Variants in GRID2 observed in about 807,000 individuals in gnomAD.
GRID2 encodes glutamate receptor ionotropic, delta-2.
GRID2 carries 33 observed loss-of-function variants against 114.8 expected under a neutral mutation model. That is an observed-to-expected ratio of 0.29 (90% CI 0.22 to 0.38). The LOEUF (loss-of-function observed/expected upper bound fraction) is 0.38, where lower values mean the gene tolerates loss of function less well. Among genes scored for constraint, GRID2 ranks in the 10% least tolerant of loss-of-function variants. The pLI is 1.00. For missense variants in GRID2, 1,184 were observed against 1,257.7 expected, an observed-to-expected ratio of 0.94 and a Z score of 0.89; for synonymous variants, 505 against 449.9, an observed-to-expected ratio of 1.12 and a Z score of -1.55.
chr4:92,447,927 C>A (rs1289627885), intron 1 of GRID2, among the ~76,000 whole-genome samples: 1 of 152,132 alleles, frequency 6.6e-6, no homozygotes, highest in Non-Finnish European at 1.5e-5. Context: ...ATCAAAAATT[C>A]AAATATTCTG....
At chr4:92,870,040 TA>T (rs544775625) in intron 2 of GRID2, among the ~76,000 whole-genome samples, 89 of 142,520 alleles carry the variant, frequency 6.2e-4, no homozygotes, top group Middle Eastern at 3.6e-3. Context: ...ACAAAAAAAT[TA>T]AAAAAAAAAA....
chr4:93,378,981 T>A (rs970686889), intron 8 of GRID2, among the ~76,000 whole-genome samples: 1 of 152,100 alleles, frequency 6.6e-6, no homozygotes, highest in African/African-American at 2.4e-5. Flanking sequence ...AATGATTTTA[T>A]CTTCAGTAAC....
intron 11 of GRID2, among the ~76,000 whole-genome samples, chr4:93,464,403 C>G (rs1327605089): frequency 6.6e-6 from 1 of 152,112 alleles, no homozygotes; most frequent in Non-Finnish European, 1.5e-5. Flanking sequence ...AAAATTAAGA[C>G]TGTTAGCATT....
chr4:92,475,698 T>A (rs1315842444), intron 1 of GRID2, among the ~76,000 whole-genome samples: 1 of 151,988 alleles, frequency 6.6e-6, no homozygotes, highest in Non-Finnish European at 1.5e-5. Flanking sequence ...TATTTTTTAA[T>A]TTTGTGTAAA....
At chr4:93,010,559 G>T (rs766192259) in intron 2 of GRID2, among the ~76,000 whole-genome samples, 7 of 152,068 alleles carry the variant, frequency 4.6e-5, no homozygotes, top group African/African-American at 9.7e-5. Context: ...CGCCAGAAAG[G>T]TACCTTAGCA....
chr4:93,354,671 C>CGTGTGT lies in GRID2; in HGVS notation c.1246-40897_1246-40892dup, dbSNP rs35452796. On this transcript the variant is annotated intron_variant, in intron 8 of 15. Transcript: ENST00000282020. ...ATTTACTCCCCTGGGGTGGCTCATC[C>CGTGTGT]GTGTGTGTGTGTGTGTGTGTGTGTG... Among the ~76,000 whole-genome samples, 24 of 130,288 alleles carry CGTGTGT rather than the reference C, an allele frequency of 1.8e-4. 1 individual carries two copies. The highest frequency in any genetic ancestry group is 5.4e-4 in the South Asian group (2 of 3,718). 85.5% of individuals were successfully genotyped at this position (130,288 alleles called of 152,430 possible).
downstream of GRID2, among the ~76,000 whole-genome samples, chr4:93,779,264 G>A (rs963303368): frequency 6.6e-6 from 1 of 151,490 alleles, no homozygotes; most frequent in African/African-American, 2.4e-5. Context: ...AAGGCTTCAG[G>A]GAGAATATTG....
intron 1 of GRID2, among the ~76,000 whole-genome samples, chr4:92,364,518 A>G (rs2110207100): frequency 6.6e-6 from 1 of 152,190 alleles, no homozygotes; most frequent in African/African-American, 2.4e-5. Context: ...ATGTTGCAAT[A>G]AGTCATTAAG....
intron 1 of GRID2, among the ~76,000 whole-genome samples, chr4:92,494,260 T>A (rs1723283882): frequency 6.6e-6 from 1 of 151,974 alleles, no homozygotes; most frequent in African/African-American, 2.4e-5. Flanking sequence ...TAGAAATTTA[T>A]AAATTTAATG....
chr4:92,916,161 G>A (rs1748773629), intron 2 of GRID2, among the ~76,000 whole-genome samples: 1 of 151,988 alleles, frequency 6.6e-6, no homozygotes, highest in African/African-American at 2.4e-5. Context: ...GTCCTAAATG[G>A]TATTGCCTAA....
intron 8 of GRID2, among the ~76,000 whole-genome samples, chr4:93,350,076 C>A (rs543726536): frequency 2.4e-4 from 37 of 152,074 alleles, no homozygotes; most frequent in African/African-American, 7.9e-4. Context: ...GAAGGTAGAA[C>A]CATTTTGTTT....
chr4:92,501,980 T>C (rs1723706853), intron 1 of GRID2, among the ~76,000 whole-genome samples: 1 of 152,118 alleles, frequency 6.6e-6, no homozygotes, highest in Non-Finnish European at 1.5e-5. Flanking sequence ...TCTTGAATCA[T>C]GGTAATGTAA....
At chr4:92,976,234 C>T (rs188775156) in intron 2 of GRID2, among the ~76,000 whole-genome samples, 5 of 151,976 alleles carry the variant, frequency 3.3e-5, no homozygotes, top group African/African-American at 1.2e-4. Flanking sequence ...TAGTAATAAA[C>T]AATGGACATA....
intron 8 of GRID2, among the ~76,000 whole-genome samples, chr4:93,245,791 C>T: frequency 6.6e-6 from 1 of 152,100 alleles, no homozygotes. Flanking sequence ...ATACTTATCT[C>T]TCAGGATTTT....
intron 2 of GRID2, among the ~76,000 whole-genome samples, chr4:93,028,889 A>G (rs1724134390): frequency 6.6e-6 from 1 of 152,088 alleles, no homozygotes; most frequent in South Asian, 2.1e-4. Flanking sequence ...ACAATTTCTG[A>G]AGCCCAGAAA....
intron 2 of GRID2, among the ~76,000 whole-genome samples, chr4:92,920,617 G>A (rs903733557): frequency 6.6e-6 from 1 of 152,120 alleles, no homozygotes; most frequent in Non-Finnish European, 1.5e-5. Context: ...GGCTTAGTTT[G>A]GCTGGATATG....
chr4:93,259,718 T>G (rs769700113), intron 8 of GRID2, among the ~76,000 whole-genome samples: 1 of 151,832 alleles, frequency 6.6e-6, no homozygotes, highest in Non-Finnish European at 1.5e-5. Context: ...GTTCAAAAAC[T>G]ATGTTTTTTC....
chr4:92,348,543 A>AAG (rs1727897564), intron 1 of GRID2, among the ~76,000 whole-genome samples: 1 of 152,200 alleles, frequency 6.6e-6, no homozygotes, highest in Admixed American at 6.6e-5. Context: ...GAAGAGCTAA[A>AAG]AGAGCTAGTT....
intron 4 of GRID2, among the ~76,000 whole-genome samples, chr4:93,139,007 C>T (rs1735519091): frequency 2.0e-5 from 3 of 152,196 alleles, no homozygotes. Context: ...CTGAGAGATT[C>T]TCTGCTTTCC....
Sources: allele counts gnomAD v4.1 joint callset (sites outside exome capture counted in the v4.1 genomes callset), GRCh38; gene constraint gnomAD v4.1.1; transcripts MANE v1.5; gene names NCBI Gene and HGNC (gene_info 2026-07-23, HGNC 2026-07-21).